The following DEPDC5 variants were observed in gnomAD, a reference collection of about 807,000 sequenced individuals.
DEPDC5 encodes the protein GATOR1 complex protein DEPDC5.
Under a neutral mutation model 217.3 loss-of-function variants are expected in DEPDC5, and 73 were observed. The observed-to-expected ratio is 0.34, with a 90% CI of 0.28 to 0.41. The LOEUF (loss-of-function observed/expected upper bound fraction) is 0.41, where lower values mean the gene tolerates loss of function less well. DEPDC5 is among the 10% of genes least tolerant of loss of function. DEPDC5 has a pLI of 1.00. For synonymous variants in DEPDC5, 733 were observed against 756.7 expected, an observed-to-expected ratio of 0.97 and a Z score of 0.51; for missense variants, 1,675 against 2,070.1, an observed-to-expected ratio of 0.81 and a Z score of 3.70.
intron 39 of DEPDC5, chr22:31,895,036 C>T (rs187583126): frequency 0.015 from 2,199 of 149,350 alleles, 53 homozygotes; most frequent in African/African-American, 0.052. Flanking sequence ...CCCAGCTACT[C>T]GGGAGGCTGA....
intron 6 of DEPDC5, among the ~76,000 whole-genome samples, chr22:31,768,606 C>G (rs1569512803): frequency 6.6e-6 from 1 of 152,170 alleles, no homozygotes; most frequent in Non-Finnish European, 1.5e-5. Context: ...CTTTAAGCAC[C>G]TACTGTCATA....
intron 21 of DEPDC5, among the ~76,000 whole-genome samples, chr22:31,818,374 G>A (rs5753792): frequency 3.9e-5 from 6 of 152,140 alleles, no homozygotes; most frequent in Non-Finnish European, 7.3e-5. Flanking sequence ...CAGGAACTCA[G>A]GTTCCTTCCA....
chr22:31,846,116 T>C (rs1402797280), intron 30 of DEPDC5, among the ~76,000 whole-genome samples: 4 of 152,262 alleles, frequency 2.6e-5, no homozygotes, highest in Middle Eastern at 3.4e-3. Flanking sequence ...CCTGGACTTA[T>C]GCTAGTCTTG....
rs867268278 is a variant in DEPDC5, at chr22:31,879,578, G to A, written c.3859G>A (p.Ala1287Thr). The A allele has an allele frequency of 1.1e-5, 18 of 1,613,342 alleles. No homozygotes were observed. The highest frequency in any genetic ancestry group is 2.2e-5 in the East Asian group (1 of 44,886). The change falls in exon 38 of 43, where the codon GCC becomes ACC. Residue 1287 changes from alanine to threonine, a missense_variant. Coordinates refer to ENST00000651528, the MANE Select transcript of DEPDC5 (RefSeq NM_001242896.3). ...GCACACAGCAGGAGTGGACGACTTC[G>A]CCAGCTTCCAGCGCAAGTGGTTTGA... is the stretch of plus-strand genomic sequence containing the variant. ...TWHTAGVDDF[A>T]SFQRKWFEVA...
At chr22:31,867,952 T>C (rs2092733066) in intron 33 of DEPDC5, among the ~76,000 whole-genome samples, 1 of 152,218 alleles carries the variant, frequency 6.6e-6, no homozygotes, top group South Asian at 2.1e-4. Flanking sequence ...GCATAAGAGC[T>C]GGTTCTAGTC....
intron 4 of DEPDC5, 34 bp from the exon 5 acceptor site, chr22:31,764,941 A>T (rs13057217): frequency 6.5e-7 from 1 of 1,539,200 alleles, no homozygotes; most frequent in Non-Finnish European, 9.0e-7. Flanking sequence ...TTTTCAAAAT[A>T]TGTTATCTGA....
intron 10 of DEPDC5, among the ~76,000 whole-genome samples, chr22:31,789,902 T>G (rs1348564506): frequency 6.6e-6 from 1 of 152,150 alleles, no homozygotes; most frequent in Non-Finnish European, 1.5e-5. Context: ...CCACCATGCC[T>G]GGCTGATTAG....
intron 10 of DEPDC5, among the ~76,000 whole-genome samples, chr22:31,790,540 G>C (rs1480601324): frequency 6.6e-6 from 1 of 152,182 alleles, no homozygotes; most frequent in Non-Finnish European, 1.5e-5. Context: ...TATGAGACTA[G>C]TAGGGTGTGG....
rs201202571 is a variant in DEPDC5 at position 31,778,572 on chromosome 22, C to T, written c.483+404C>T. On this transcript the variant is annotated intron_variant, in intron 8 of 42. Transcript: ENST00000651528. ...TTGCCCACATGTAATATCAAGTTCT[C>T]CTGAAACTGTTTTACAGTTGGATTT... Among the ~76,000 whole-genome samples the T allele has an allele frequency of 6.6e-5, 10 of 152,262 alleles. No individual in the cohort carries two copies. The East Asian group carries it at 1.7e-3, about 26-fold the overall frequency.
At chr22:31,881,239 T>A (rs1354665102) in intron 38 of DEPDC5, among the ~76,000 whole-genome samples, 3 of 150,110 alleles carry the variant, frequency 2.0e-5, no homozygotes, top group African/African-American at 7.4e-5. Context: ...GAGGTGGAGG[T>A]TGCAGTGAGC....
Position 31,815,033 on chromosome 22 carries a change from G to T in DEPDC5, c.1487G>T (p.Ser496Ile). 1.2e-6 allele frequency: 2 copies of T among 1,614,172 alleles called. No individual in the cohort carries two copies. Among genetic ancestry groups the T allele is most frequent in the Non-Finnish European group, 1.7e-6 (2 of 1,180,006 alleles). ...GAGAGTCACAGTCGAAAGAGTGCCAGCTCCTGTGATGTTTCATCCAGCCCT... is the reference window on the plus strand; with the variant it reads ...GAGAGTCACAGTCGAAAGAGTGCCATCTCCTGTGATGTTTCATCCAGCCCT... ...ERESHSRKSA[S>I]SCDVSSSPSL... Residue 496 changes from serine (S) to isoleucine (I), a missense_variant, in exon 21 of 43, where the codon AGC (serine) becomes ATC (isoleucine). Ser to Ile is a moderately radical substitution (Grantham distance 142). Coordinates refer to ENST00000651528, the MANE Select transcript of DEPDC5 (RefSeq NM_001242896.3).
chr22:31,895,982 C>CT (rs1298437496), intron 39 of DEPDC5, among the ~76,000 whole-genome samples: 1 of 151,574 alleles, frequency 6.6e-6, no homozygotes, highest in African/African-American at 2.4e-5. Context: ...ACCCAGTAGG[C>CT]ATAAGCACTC....
At chr22:31,758,700 A>G in intron 3 of DEPDC5, 67 bp downstream of exon 3, 2 of 1,453,544 alleles carry the variant, frequency 1.4e-6, no homozygotes, top group South Asian at 1.1e-5. Context: ...CAAGGCAGAT[A>G]GCTCTCTTTG....
chr22:31,834,089 A>C (rs1302047518), intron 25 of DEPDC5, 109 bp downstream of exon 25: 1 of 1,069,106 alleles, frequency 9.4e-7, no homozygotes, highest in Non-Finnish European at 1.5e-6. Context: ...CCTGAGGTAC[A>C]CATACCTCTG....
At chr22:31,805,599 C>A (rs374542272) in intron 17 of DEPDC5, among the ~76,000 whole-genome samples, 1 of 151,934 alleles carries the variant, frequency 6.6e-6, no homozygotes, top group East Asian at 1.9e-4. Context: ...CACCCGGGTT[C>A]AAGTGATTCT....
intron 15 of DEPDC5, 76 bp downstream of exon 15, chr22:31,802,914 A>G: frequency 6.8e-7 from 1 of 1,463,972 alleles, no homozygotes; most frequent in Non-Finnish European, 9.1e-7. Context: ...AGCTTCACTG[A>G]CTTCTTAGAG....
intron 4 of DEPDC5, among the ~76,000 whole-genome samples, chr22:31,764,649 C>T (rs2082664968): frequency 6.6e-6 from 1 of 152,174 alleles, no homozygotes. Context: ...CTGCTGACCT[C>T]AGGTGATCTT....
Position 31,857,470 on chromosome 22 carries a change from G to C in DEPDC5, c.3181G>C (p.Val1061Leu), listed in dbSNP as rs1384153562. Residue 1061 changes from valine (V) to leucine (L), a missense_variant, in exon 32 of 43, where the codon GTG becomes CTG. Physicochemically the swap from Val to Leu is conservative, Grantham distance 32. This residue lies in a region of DEPDC5 where 126 missense variants were observed against 113.8 expected (regional missense o/e 1.11). Coordinates refer to ENST00000651528, the MANE Select transcript of DEPDC5 (RefSeq NM_001242896.3). ...GTGCCTGGGAGAACAGCAGGCAGCT[G>C]TGCATGGTGGGAAGAGCTCCGCCCA... Reference protein sequence around the residue: ...QKCLGEQQAAVHGGKSSAQSA... With the variant: ...QKCLGEQQAALHGGKSSAQSA... The C allele has an allele frequency of 6.2e-7, 1 of 1,610,270 alleles. No individual in the cohort carries two copies. Among genetic ancestry groups the C allele is most frequent in the Admixed American group, 1.7e-5 (1 of 59,500 alleles).
intron 30 of DEPDC5, among the ~76,000 whole-genome samples, chr22:31,846,005 A>AT (rs1034203258): frequency 3.3e-5 from 5 of 151,806 alleles, no homozygotes; most frequent in Non-Finnish European, 7.4e-5. Flanking sequence ...TGTCCAGCTA[A>AT]TTTTTTGTAT....
Sources: gnomAD v4.1 joint callset for allele counts (sites outside exome capture counted in the v4.1 genomes callset) on GRCh38, gnomAD v4.1.1 for gene constraint, gnomAD v4.1.1 regional missense constraint, MANE v1.5 for transcripts, NCBI Gene and HGNC (gene_info 2026-07-23, HGNC 2026-07-21) for gene names.